CAPS2: variants seen among roughly 807,000 people sequenced by gnomAD.
CAPS2 encodes calcyphosin-2.
CAPS2 carries 98 observed loss-of-function variants against 86.5 expected under a neutral mutation model. The observed-to-expected ratio is 1.13, with a 90% CI of 0.96 to 1.34. The LOEUF (loss-of-function observed/expected upper bound fraction) is 1.34, where lower values mean the gene tolerates loss of function less well. CAPS2 is among the 40% of genes most tolerant of loss of function. The pLI is 0.00. For synonymous variants in CAPS2, 210 were observed against 225.1 expected, an observed-to-expected ratio of 0.93 and a Z score of 0.60; for missense variants, 729 against 686.8, an observed-to-expected ratio of 1.06 and a Z score of -0.69.
exon 1 of CAPS2, chr12:75,326,487 CTCTAAA>C (rs763167193): frequency 6.5e-7 from 1 of 1,542,588 alleles, no homozygotes. Flanking sequence ...CTCCTTTAAC[CTCTAAA>C]TCCATTTGAG....
chr12:75,387,511 A>G (rs920878777), intron 1 of CAPS2, among the ~76,000 whole-genome samples: 23 of 152,262 alleles, frequency 1.5e-4, no homozygotes, highest in African/African-American at 5.5e-4. Context: ...TTCTTAAAAA[A>G]CTGAACATTA....
At chr12:75,358,620 G>A (rs1371776090) in intron 1 of CAPS2, among the ~76,000 whole-genome samples, 1 of 150,044 alleles carries the variant, frequency 6.7e-6, no homozygotes, top group East Asian at 1.9e-4. Flanking sequence ...AAAATTGTAT[G>A]TAACATACCA....
intron 7 of CAPS2, among the ~76,000 whole-genome samples, chr12:75,308,185 G>A (rs1324913691): frequency 2.0e-5 from 3 of 152,108 alleles, no homozygotes; most frequent in Admixed American, 2.0e-4. Flanking sequence ...TGTTTGCATA[G>A]GGTGCAACTT....
chr12:75,295,648 G>A (rs1457198013), intron 11 of CAPS2, among the ~76,000 whole-genome samples: 3 of 152,128 alleles, frequency 2.0e-5, no homozygotes, highest in Non-Finnish European at 4.4e-5. Context: ...AGGTTGCTAG[G>A]AACATGGTAG....
At chr12:75,299,790 C>T (rs901582939) in intron 9 of CAPS2, 47 bp downstream of exon 9, 11 of 908,612 alleles carry the variant, frequency 1.2e-5, no homozygotes, top group East Asian at 5.3e-5. Flanking sequence ...AAAGAGAATA[C>T]GTTTTTATAA....
chr12:75,316,365 C>G (rs1276877545), exon 6 of CAPS2: 15 of 1,550,980 alleles, frequency 9.7e-6, no homozygotes, highest in Non-Finnish European at 1.3e-5. Context: ...TCTGCATAAC[C>G]TTGCTGTAAG....
At chr12:75,331,475 A>C (rs1374607748), upstream of CAPS2, among the ~76,000 whole-genome samples, 1 of 152,228 alleles carries the variant, frequency 6.6e-6, no homozygotes, top group Non-Finnish European at 1.5e-5. Flanking sequence ...GCACTCCATA[A>C]AATTCATCTA....
chr12:75,365,927 G>A (rs1448864260), intron 1 of CAPS2, among the ~76,000 whole-genome samples: 1 of 151,888 alleles, frequency 6.6e-6, no homozygotes, highest in South Asian at 2.1e-4. Flanking sequence ...TTCTGTTTTG[G>A]GCTGGCTTTA....
intron 1 of CAPS2, among the ~76,000 whole-genome samples, chr12:75,335,945 G>C (rs963040276): frequency 4.6e-5 from 7 of 151,802 alleles, no homozygotes; most frequent in Non-Finnish European, 1.0e-4. Flanking sequence ...TAAATGTGGG[G>C]TTAAATATAA....
chr12:75,307,442 G>C (rs2038638928), intron 7 of CAPS2, among the ~76,000 whole-genome samples: 1 of 152,150 alleles, frequency 6.6e-6, no homozygotes, highest in Non-Finnish European at 1.5e-5. Flanking sequence ...CACTAAGGTG[G>C]CAGTAAACAC....
intron 6 of CAPS2, among the ~76,000 whole-genome samples, chr12:75,313,240 C>T (rs1172088672): frequency 6.6e-6 from 1 of 152,098 alleles, no homozygotes; most frequent in Non-Finnish European, 1.5e-5. Flanking sequence ...CACTCTATTC[C>T]TCCCCTCAAG....
intron 1 of CAPS2, among the ~76,000 whole-genome samples, chr12:75,359,124 T>A (rs2043372245): frequency 6.7e-6 from 1 of 150,238 alleles, no homozygotes; most frequent in African/African-American, 2.4e-5. Flanking sequence ...GATACAAAAT[T>A]AGTATACAAA....
chr12:75,368,493 G>A (rs1179566190), intron 1 of CAPS2, among the ~76,000 whole-genome samples: 1 of 151,522 alleles, frequency 6.6e-6, no homozygotes, highest in Non-Finnish European at 1.5e-5. Flanking sequence ...CAGGAGTTAA[G>A]TGATGCCCCA....
intron 7 of CAPS2, among the ~76,000 whole-genome samples, chr12:75,309,597 C>G (rs1257852093): frequency 2.0e-5 from 3 of 152,086 alleles, no homozygotes; most frequent in Non-Finnish European, 4.4e-5. Flanking sequence ...TATCATGAAC[C>G]TTCAAAACTA....
intron 7 of CAPS2, among the ~76,000 whole-genome samples, chr12:75,308,706 T>G (rs1481522667): frequency 6.7e-6 from 1 of 150,182 alleles, no homozygotes; most frequent in Non-Finnish European, 1.5e-5. Context: ...GAATTAAAAG[T>G]TGGATAAAGA....
intron 14 of CAPS2, among the ~76,000 whole-genome samples, chr12:75,287,302 G>C (rs139437931): frequency 2.0e-3 from 307 of 151,536 alleles, no homozygotes; most frequent in South Asian, 3.7e-3. Context: ...GGCAGGAATC[G>C]TCTCCTGCCT....
intron 1 of CAPS2, among the ~76,000 whole-genome samples, chr12:75,366,591 G>A (rs774389891): frequency 4.6e-5 from 7 of 151,750 alleles, no homozygotes; most frequent in Non-Finnish European, 8.8e-5. Flanking sequence ...AAACTAACAC[G>A]GCACCTCAAA....
chr12:75,364,822 A>G (rs1389260234), intron 1 of CAPS2: 1 of 152,148 alleles, frequency 6.6e-6, no homozygotes, highest in Non-Finnish European at 1.5e-5. Context: ...AAAATTTTTA[A>G]TATATAATTA....
At chr12:75,340,871 C>T (rs1026127141) in intron 1 of CAPS2, among the ~76,000 whole-genome samples, 3 of 151,626 alleles carry the variant, frequency 2.0e-5, no homozygotes, top group Non-Finnish European at 4.4e-5. Context: ...ATTAAAACCA[C>T]AAGGACATAT....
Sources: allele counts gnomAD v4.1 joint callset (sites outside exome capture counted in the v4.1 genomes callset), GRCh38; gene constraint gnomAD v4.1.1; transcripts MANE v1.5; gene names NCBI Gene and HGNC (gene_info 2026-07-23, HGNC 2026-07-21).